The following ARHGAP25 variants were observed in gnomAD, a reference collection of about 807,000 sequenced individuals.
The protein encoded by ARHGAP25 is Rho GTPase activating protein 25.
In ARHGAP25, 34 loss-of-function variants were observed where a neutral mutation model predicts 71.0. The observed-to-expected ratio is 0.48, with a 90% CI of 0.36 to 0.64. ARHGAP25 has a LOEUF of 0.64. Among genes scored for constraint, ARHGAP25 ranks in the 30% least tolerant of loss-of-function variants. The probability of loss-of-function intolerance (pLI) is 0.00; values close to 1 mark genes in which losing one functional copy is unlikely to be tolerated. For missense variants in ARHGAP25, 706 were observed against 805.1 expected, an observed-to-expected ratio of 0.88 and a Z score of 1.49; for synonymous variants, 282 against 296.5, an observed-to-expected ratio of 0.95 and a Z score of 0.50.
Position 68,749,567 on chromosome 2 carries a change from T to G in ARHGAP25, c.61+14307T>G, listed in dbSNP as rs189194776. 7.2e-5 allele frequency among the ~76,000 whole-genome samples: 11 copies of G among 152,320 alleles called. No homozygotes were observed. The East Asian group carries it at 2.1e-3, about 29-fold the overall frequency. Reference sequence around the variant, plus strand: ...GCACCCCAGTGCTTGCGAGTGTCGATAGCTTTGTCGATCAGAGCAGTCACC... The same window carrying G: ...GCACCCCAGTGCTTGCGAGTGTCGAGAGCTTTGTCGATCAGAGCAGTCACC... On this transcript the variant is annotated intron_variant, in intron 1 of 10. Coordinates refer to ENST00000409202, the MANE Select transcript of ARHGAP25 (RefSeq NM_001007231.3).
At chr2:68,789,560 G>A (rs1403667452) in intron 4 of ARHGAP25, among the ~76,000 whole-genome samples, 3 of 152,110 alleles carry the variant, frequency 2.0e-5, no homozygotes, top group Non-Finnish European at 4.4e-5. Context: ...ATGACCTGCA[G>A]GTACATAATT....
chr2:68,755,694 C>T (rs1453052749), intron 1 of ARHGAP25, among the ~76,000 whole-genome samples: 1 of 152,152 alleles, frequency 6.6e-6, no homozygotes, highest in African/African-American at 2.4e-5. Flanking sequence ...ACCGCTCTTG[C>T]GTCTGATTTT....
chr2:68,757,142 T>C (rs1001096960), intron 1 of ARHGAP25, among the ~76,000 whole-genome samples: 4 of 151,754 alleles, frequency 2.6e-5, no homozygotes, highest in Non-Finnish European at 5.9e-5. Context: ...GAAAAAAATA[T>C]AAGAAAAGTG....
At chr2:68,785,297 TG>T (rs973765309) in intron 3 of ARHGAP25, among the ~76,000 whole-genome samples, 38 of 152,170 alleles carry the variant, frequency 2.5e-4, no homozygotes, top group African/African-American at 9.2e-4. Flanking sequence ...AAGTAAGTAG[TG>T]GGGGCAAGGG....
intron 2 of ARHGAP25, among the ~76,000 whole-genome samples, chr2:68,711,127 A>T (rs1175013483): frequency 6.6e-6 from 1 of 152,056 alleles, no homozygotes; most frequent in Non-Finnish European, 1.5e-5. Flanking sequence ...TCTGTGCTGA[A>T]TTTGCCGAGG....
intron 6 of ARHGAP25, among the ~76,000 whole-genome samples, chr2:68,814,799 G>T (rs1173854963): frequency 6.6e-6 from 1 of 152,180 alleles, no homozygotes; most frequent in Non-Finnish European, 1.5e-5. Context: ...GAAAGGAAGA[G>T]AACATGATAC....
At chr2:68,742,273 T>C (rs960199789) in intron 1 of ARHGAP25, among the ~76,000 whole-genome samples, 4 of 152,208 alleles carry the variant, frequency 2.6e-5, no homozygotes, top group South Asian at 2.1e-4. Context: ...CAGTAAGATA[T>C]AGAGTTCCTG....
intron 1 of ARHGAP25, among the ~76,000 whole-genome samples, chr2:68,766,280 C>G (rs1481564426): frequency 6.6e-6 from 1 of 152,224 alleles, no homozygotes; most frequent in Non-Finnish European, 1.5e-5. Flanking sequence ...CCTGGGAAAG[C>G]AGGTAGCTTG....
intron 1 of ARHGAP25, among the ~76,000 whole-genome samples, chr2:68,749,830 A>C (rs1003471305): frequency 6.6e-6 from 1 of 152,242 alleles, no homozygotes; most frequent in East Asian, 1.9e-4. Flanking sequence ...GATCTGTGCC[A>C]TAAGTGTTGC....
intron 7 of ARHGAP25, chr2:68,816,588 A>G: frequency 1.9e-6 from 1 of 532,174 alleles, no homozygotes; most frequent in African/African-American, 1.9e-5. Flanking sequence ...GGCCTGCCTC[A>G]GCACTGCCCA....
intron 2 of ARHGAP25, among the ~76,000 whole-genome samples, chr2:68,715,439 C>A (rs1175543751): frequency 6.6e-6 from 1 of 152,186 alleles, no homozygotes; most frequent in East Asian, 1.9e-4. Context: ...ATTTCTTCTT[C>A]CAGTGATTGG....
chr2:68,780,674 T>C (rs777537131), intron 2 of ARHGAP25, among the ~76,000 whole-genome samples: 114 of 152,078 alleles, frequency 7.5e-4, no homozygotes, highest in Middle Eastern at 3.2e-3. Flanking sequence ...TTCCTTCTCC[T>C]GCCCTTTCTG....
intron 9 of ARHGAP25, 127 bp downstream of exon 9, chr2:68,819,446 G>A (rs1406006719): frequency 2.2e-6 from 2 of 919,444 alleles, no homozygotes; most frequent in Non-Finnish European, 3.5e-6. Flanking sequence ...GGGCGCTGCT[G>A]CTACAGACTC....
At chr2:68,797,657 T>C (rs7558602) in intron 4 of ARHGAP25, among the ~76,000 whole-genome samples, 91,540 of 152,030 alleles carry the variant, frequency 0.6, 28,831 homozygotes, top group African/African-American at 0.8. Context: ...ACCCAAGTTC[T>C]CCCATGCACA....
intron 5 of ARHGAP25, among the ~76,000 whole-genome samples, chr2:68,811,501 A>T (rs1020300108): frequency 6.6e-6 from 1 of 152,122 alleles, no homozygotes; most frequent in Non-Finnish European, 1.5e-5. Context: ...TTGGGCAGTG[A>T]CTCAGCAGGG....
At chr2:68,779,794 T>C (rs1678188788) in intron 2 of ARHGAP25, among the ~76,000 whole-genome samples, 1 of 152,196 alleles carries the variant, frequency 6.6e-6, no homozygotes, top group African/African-American at 2.4e-5. Flanking sequence ...CTGGAACAAT[T>C]CTTCCTTCCC....
intron 7 of ARHGAP25, 198 bp downstream of exon 7, chr2:68,816,560 A>T (rs924477492): frequency 3.6e-5 from 21 of 576,454 alleles, no homozygotes; most frequent in Non-Finnish European, 6.2e-5. Flanking sequence ...CCAAAAAATG[A>T]ACGTGCTCCC....
intron 2 of ARHGAP25, among the ~76,000 whole-genome samples, chr2:68,716,692 A>C (rs1210527091): frequency 2.0e-5 from 3 of 152,212 alleles, no homozygotes; most frequent in Non-Finnish European, 4.4e-5. Context: ...CTTCAACCAC[A>C]TGATGTTATC....
intron 4 of ARHGAP25, among the ~76,000 whole-genome samples, chr2:68,797,829 G>A (rs1333018959): frequency 2.0e-5 from 3 of 152,200 alleles, no homozygotes; most frequent in African/African-American, 7.2e-5. Context: ...CCTACGGCCT[G>A]GATTGTATAA....
Sources: gnomAD v4.1 joint callset for allele counts (sites outside exome capture counted in the v4.1 genomes callset) on GRCh38, gnomAD v4.1.1 for gene constraint, MANE v1.5 for transcripts, NCBI Gene and HGNC (gene_info 2026-07-23, HGNC 2026-07-21) for gene names.